The following CAMKMT variants were observed in gnomAD, a reference collection of about 807,000 sequenced individuals.
CAMKMT encodes the protein CaM KMT.
Under a neutral mutation model 48.0 loss-of-function variants are expected in CAMKMT, and 53 were observed. The observed-to-expected ratio is 1.10, with a 90% CI of 0.89 to 1.39. The LOEUF is 1.39. CAMKMT is among the 40% of genes most tolerant of loss of function. The pLI is 0.00. For synonymous variants in CAMKMT, 165 were observed against 152.3 expected (o/e 1.08, Z -0.61); for missense variants, 428 against 402.7 (o/e 1.06, Z -0.54).
intron 3 of CAMKMT, among the ~76,000 whole-genome samples, chr2:44,546,858 G>A (rs1667439229): frequency 6.6e-6 from 1 of 152,202 alleles, no homozygotes; most frequent in South Asian, 2.1e-4. Context: ...TGCTGATACA[G>A]TGTAGTGCAC....
chr2:44,768,361 A>ATATATTTTTT (rs35058824), intron 10 of CAMKMT, among the ~76,000 whole-genome samples: 4 of 115,744 alleles, frequency 3.5e-5, no homozygotes, highest in Admixed American at 8.9e-5. Context: ...ATATATATAT[A>ATATATTTTTT]TTTTTTTTTT....
chr2:44,439,344 A>C (rs1335156293), intron 3 of CAMKMT, among the ~76,000 whole-genome samples: 1 of 152,144 alleles, frequency 6.6e-6, no homozygotes, highest in Non-Finnish European at 1.5e-5. Flanking sequence ...TTCTTTGTAG[A>C]GTCATTTCCA....
At chr2:44,714,781 C>T (rs1246628316) in intron 6 of CAMKMT, among the ~76,000 whole-genome samples, 6 of 152,144 alleles carry the variant, frequency 3.9e-5, no homozygotes, top group Admixed American at 3.9e-4. Context: ...CCATGATGAT[C>T]CATCTCAGGT....
chr2:44,691,842 A>G (rs569010902), intron 3 of CAMKMT, among the ~76,000 whole-genome samples: 2 of 152,162 alleles, frequency 1.3e-5, no homozygotes, highest in South Asian at 4.2e-4. Context: ...ACGTTCCATA[A>G]ATTATAGAGT....
At chr2:44,578,851 A>G (rs1022163782) in intron 3 of CAMKMT, among the ~76,000 whole-genome samples, 2 of 152,242 alleles carry the variant, frequency 1.3e-5, no homozygotes, top group Admixed American at 6.5e-5. Flanking sequence ...AGTAAATAGT[A>G]GTATTGTGAC....
intron 3 of CAMKMT, among the ~76,000 whole-genome samples, chr2:44,659,606 GTAAAA>G (rs1269395747): frequency 8.6e-5 from 13 of 150,842 alleles, no homozygotes. Context: ...AATTAAATAA[GTAAAA>G]TAAGAACGAA....
rs202050494 is a variant in CAMKMT, at chr2:44,458,141, G to A, written c.376+67836G>A. On this transcript the variant is annotated intron_variant, in intron 3 of 10. Coordinates refer to ENST00000378494, the MANE Select transcript of CAMKMT (RefSeq NM_024766.5). The stretch of plus-strand genomic sequence containing the variant: ...GGCTCACTGCAACCTCTGCCTCCCC[G>A]GTTCAAACGATCTTCCCACCTCAGC... 3.0e-4 allele frequency among the ~76,000 whole-genome samples: 44 copies of A among 145,410 alleles called. 1 individual carries two copies. In the East Asian group the frequency reaches 7.7e-3, roughly 26 times the overall value.
intron 3 of CAMKMT, among the ~76,000 whole-genome samples, chr2:44,514,332 C>T (rs2104778210): frequency 6.7e-6 from 1 of 150,258 alleles, no homozygotes; most frequent in South Asian, 2.1e-4. Flanking sequence ...TGGTGACTGA[C>T]TAGATAGAGA....
rs188212921 is a variant in CAMKMT at position 44,390,385 on chromosome 2, A to G, written c.376+80A>G. 1.7e-3 allele frequency: 1,702 copies of G among 994,278 alleles called. 6 individuals carry two copies. The highest frequency in any genetic ancestry group is 3.2e-3 in the Admixed American group (144 of 45,450). The allele number at this position is 994,278 out of a possible 1,614,324, so 61.6% of individuals were successfully genotyped here. On this transcript the variant is annotated intron_variant, in intron 3 of 10. Transcript: ENST00000378494. ...TATAGTTGATGTTTTCTTCTCACTA[A>G]TATTTATTATACTCACTAAATGTAT...
intron 6 of CAMKMT, among the ~76,000 whole-genome samples, chr2:44,708,199 T>C (rs918666454): frequency 6.8e-6 from 1 of 146,516 alleles, no homozygotes; most frequent in African/African-American, 2.5e-5. Context: ...GTGGCAGATA[T>C]GTTTGCTTTG....
chr2:44,714,237 G>A (rs1026071657), intron 6 of CAMKMT, among the ~76,000 whole-genome samples: 3 of 152,142 alleles, frequency 2.0e-5, no homozygotes, highest in African/African-American at 7.2e-5. Context: ...AGAAAAAGAG[G>A]ATCAACTCTA....
At chr2:44,417,693 G>A (rs774798386) in intron 3 of CAMKMT, among the ~76,000 whole-genome samples, 1 of 152,198 alleles carries the variant, frequency 6.6e-6, no homozygotes, top group Admixed American at 6.5e-5. Context: ...GAGAGTTCCA[G>A]TTGCTTCACA....
intron 3 of CAMKMT, among the ~76,000 whole-genome samples, chr2:44,703,516 A>G (rs1032963004): frequency 2.0e-5 from 3 of 152,142 alleles, no homozygotes; most frequent in African/African-American, 7.2e-5. Flanking sequence ...ACAGTAGCTC[A>G]CACTTGTAAT....
chr2:44,673,685 A>G (rs941543299), intron 3 of CAMKMT, among the ~76,000 whole-genome samples: 1 of 152,126 alleles, frequency 6.6e-6, no homozygotes, highest in Non-Finnish European at 1.5e-5. Context: ...AATGACAAAT[A>G]AAGGAGCCAA....
At chr2:44,667,511 G>C (rs1281454974) in intron 3 of CAMKMT, among the ~76,000 whole-genome samples, 6 of 152,168 alleles carry the variant, frequency 3.9e-5, no homozygotes, top group African/African-American at 1.4e-4. Context: ...CCTCTTATTT[G>C]CTGAAGATTT....
intron 3 of CAMKMT, among the ~76,000 whole-genome samples, chr2:44,563,049 C>T (rs1052362432): frequency 2.0e-5 from 3 of 152,082 alleles, no homozygotes; most frequent in Non-Finnish European, 4.4e-5. Flanking sequence ...ACTCCTATGC[C>T]ATAACTAGTG....
intron 3 of CAMKMT, among the ~76,000 whole-genome samples, chr2:44,621,376 C>G (rs1187596799): frequency 1.3e-5 from 2 of 151,624 alleles, no homozygotes; most frequent in East Asian, 3.9e-4. Flanking sequence ...CTTTCCAAGG[C>G]TCTACCTGTG....
At chr2:44,483,087 T>C (rs961854394) in intron 3 of CAMKMT, among the ~76,000 whole-genome samples, 2 of 152,166 alleles carry the variant, frequency 1.3e-5, no homozygotes, top group Non-Finnish European at 2.9e-5. Flanking sequence ...CTTAGCACTA[T>C]ATAAAAATAC....
At chr2:44,377,482 C>G (rs777064616) in intron 2 of CAMKMT, among the ~76,000 whole-genome samples, 3 of 151,238 alleles carry the variant, frequency 2.0e-5, no homozygotes, top group Non-Finnish European at 4.4e-5. Context: ...TGTGTAGATA[C>G]AAGAAATTGT....
Sources: allele counts gnomAD v4.1 joint callset (sites outside exome capture counted in the v4.1 genomes callset), GRCh38; gene constraint gnomAD v4.1.1; transcripts MANE v1.5; gene names NCBI Gene and HGNC (gene_info 2026-07-23, HGNC 2026-07-21).